Variants in GALNT10 observed in about 807,000 individuals in gnomAD.
GALNT10 encodes the protein polypeptide N-acetylgalactosaminyltransferase 10.
Under a neutral mutation model 75.0 loss-of-function variants are expected in GALNT10, and 41 were observed. The ratio of observed to expected loss-of-function variants is 0.55; its 90% CI spans 0.43 to 0.71. The LOEUF (loss-of-function observed/expected upper bound fraction) is 0.71. Ranked by LOEUF, GALNT10 falls within the 30% of genes least tolerant of loss-of-function variation. The pLI is 0.00. For synonymous variants in GALNT10, 302 were observed against 313.0 expected, an observed-to-expected ratio of 0.96 and a Z score of 0.37; for missense variants, 727 against 818.5, an observed-to-expected ratio of 0.89 and a Z score of 1.36.
intron 4 of GALNT10, among the ~76,000 whole-genome samples, chr5:154,336,455 A>G (rs1179096057): frequency 6.6e-6 from 1 of 152,192 alleles, no homozygotes; most frequent in African/African-American, 2.4e-5. Flanking sequence ...TCCACCTGCA[A>G]TGAATGAGAG....
chr5:154,360,777 T>C (rs1561671642), intron 4 of GALNT10, among the ~76,000 whole-genome samples: 1 of 152,206 alleles, frequency 6.6e-6, no homozygotes, highest in Non-Finnish European at 1.5e-5. Flanking sequence ...AGAATATGTT[T>C]ATGTATTTCT....
intron 4 of GALNT10, among the ~76,000 whole-genome samples, chr5:154,370,503 G>A (rs766054274): frequency 6.6e-6 from 1 of 152,154 alleles, no homozygotes; most frequent in East Asian, 1.9e-4. Context: ...TTAACTGGGA[G>A]GAATTGTATG....
chr5:154,210,413 C>G (rs1222592200), intron 1 of GALNT10, among the ~76,000 whole-genome samples: 1 of 146,196 alleles, frequency 6.8e-6, no homozygotes, highest in African/African-American at 2.6e-5. Flanking sequence ...CACACACACA[C>G]AGTTTTGCTT....
At chr5:154,257,685 A>G (rs77339140) in intron 1 of GALNT10, among the ~76,000 whole-genome samples, 2,758 of 151,696 alleles carry the variant, frequency 0.018, 47 homozygotes, top group Non-Finnish European at 0.028. Context: ...AAAAAAAAAA[A>G]AGAGAAAAGG....
At position 154,351,626 on chromosome 5, in the gene GALNT10, G is replaced by A. The variant is rs544551077; in HGVS notation, c.568+21888G>A. Among the ~76,000 whole-genome samples the A allele has an allele frequency of 3.9e-5, 6 of 152,248 alleles. No individual in the cohort carries two copies. In the South Asian group the frequency reaches 6.2e-4, roughly 16 times the overall value. ...GGCTCCTTTGGTTTGAGTGGCTTCC[G>A]CTCGTCTGTAACCCACAGTCCAGAT... is the stretch of plus-strand genomic sequence containing the variant. On this transcript the variant is annotated intron_variant, in intron 4 of 11. Coordinates refer to ENST00000297107, the MANE Select transcript of GALNT10 (RefSeq NM_198321.4).
intron 1 of GALNT10, among the ~76,000 whole-genome samples, chr5:154,279,757 T>TA (rs1332926193): frequency 1.3e-5 from 2 of 152,126 alleles, no homozygotes; most frequent in African/African-American, 2.4e-5. Context: ...ATTTTTTTTT[T>TA]ATTTTGTTTT....
At chr5:154,202,662 C>T (rs900378047) in intron 1 of GALNT10, among the ~76,000 whole-genome samples, 3 of 152,222 alleles carry the variant, frequency 2.0e-5, no homozygotes, top group African/African-American at 2.4e-5. Flanking sequence ...AGTCTTTTAA[C>T]GTCTTTTGGC....
intron 9 of GALNT10, among the ~76,000 whole-genome samples, chr5:154,410,900 G>A (rs1756385473): frequency 6.6e-6 from 1 of 152,212 alleles, no homozygotes; most frequent in Admixed American, 6.5e-5. Flanking sequence ...AGAATTTCAA[G>A]ACAGTGGCAG....
intron 1 of GALNT10, among the ~76,000 whole-genome samples, chr5:154,278,942 A>G (rs1415418856): frequency 2.0e-5 from 3 of 152,164 alleles, no homozygotes; most frequent in Non-Finnish European, 2.9e-5. Flanking sequence ...TTCTACCTTC[A>G]TCTATTAATG....
chr5:154,220,761 G>T (rs1480826273), intron 1 of GALNT10, among the ~76,000 whole-genome samples: 1 of 152,196 alleles, frequency 6.6e-6, no homozygotes, highest in Non-Finnish European at 1.5e-5. Context: ...TGGACTAGAA[G>T]AAGTCCAGGT....
At chr5:154,206,025 T>G (rs1561628154) in intron 1 of GALNT10, among the ~76,000 whole-genome samples, 1 of 151,736 alleles carries the variant, frequency 6.6e-6, no homozygotes. Flanking sequence ...TCAGATTGTG[T>G]TGTGTGTGTG....
At chr5:154,308,613 G>T (rs749641771) in intron 3 of GALNT10, among the ~76,000 whole-genome samples, 1 of 152,164 alleles carries the variant, frequency 6.6e-6, no homozygotes, top group Admixed American at 6.5e-5. Context: ...TGCTTTGCAT[G>T]CCCACCCAAC....
intron 1 of GALNT10, among the ~76,000 whole-genome samples, chr5:154,293,251 G>A (rs954078442): frequency 4.6e-5 from 7 of 152,134 alleles, no homozygotes; most frequent in African/African-American, 1.4e-4. Context: ...TAATTATATA[G>A]GAAATAGCAC....
intron 1 of GALNT10, among the ~76,000 whole-genome samples, chr5:154,202,451 C>A (rs1024276980): frequency 1.3e-5 from 2 of 152,168 alleles, no homozygotes; most frequent in African/African-American, 2.4e-5. Context: ...ATGCACTGTG[C>A]CCATCTCAGT....
intron 3 of GALNT10, among the ~76,000 whole-genome samples, chr5:154,312,531 A>G (rs895586664): frequency 6.6e-6 from 1 of 152,182 alleles, no homozygotes; most frequent in South Asian, 2.1e-4. Context: ...GTTTTATTCT[A>G]CAAGTACTTT....
rs572016340 is a variant in GALNT10 at position 154,206,999 on chromosome 5, C to T, written c.159+15974C>T. On this transcript the variant is annotated intron_variant, in intron 1 of 11. Coordinates refer to ENST00000297107, the MANE Select transcript of GALNT10 (RefSeq NM_198321.4). ...CCAGATGCTATGCTAGGTTCTGAGG[C>T]CACCAAGATGTGTAACGTGCAGCCT... Among the ~76,000 whole-genome samples, 7 of 152,320 alleles carry T rather than the reference C, an allele frequency of 4.6e-5. No individual in the cohort carries two copies. The East Asian group carries it at 1.2e-3, about 25-fold the overall frequency.
chr5:154,260,787 A>G (rs192600958), intron 1 of GALNT10, among the ~76,000 whole-genome samples: 3 of 152,312 alleles, frequency 2.0e-5, no homozygotes, highest in Non-Finnish European at 2.9e-5. Context: ...TTAAGTGAAT[A>G]CTATTTAGCT....
intron 4 of GALNT10, among the ~76,000 whole-genome samples, chr5:154,372,969 A>G (rs1755597296): frequency 6.6e-6 from 1 of 152,198 alleles, no homozygotes; most frequent in African/African-American, 2.4e-5. Context: ...AGTCATTATT[A>G]AATTAGGGGT....
At chr5:154,344,189 A>ATTTCTTTC (rs138486038) in intron 4 of GALNT10, among the ~76,000 whole-genome samples, 1 of 144,040 alleles carries the variant, frequency 6.9e-6, no homozygotes, top group Non-Finnish European at 1.5e-5. Context: ...TACAAAATAA[A>ATTTCTTTC]TTTCTTTCTT....
Sources: gnomAD v4.1 joint callset for allele counts (sites outside exome capture counted in the v4.1 genomes callset) on GRCh38, gnomAD v4.1.1 for gene constraint, MANE v1.5 for transcripts, NCBI Gene and HGNC (gene_info 2026-07-23, HGNC 2026-07-21) for gene names.